The following CNGB1 variants were observed in gnomAD, a reference collection of about 807,000 sequenced individuals.
CNGB1 encodes cyclic nucleotide-gated channel beta-1.
CNGB1 carries 126 observed loss-of-function variants against 151.7 expected under a neutral mutation model. The ratio of observed to expected loss-of-function variants is 0.83; its 90% confidence interval spans 0.72 to 0.96. The LOEUF is 0.96. Among genes scored for constraint, CNGB1 ranks in the 40% least tolerant of loss-of-function variants. The pLI, the probability that CNGB1 is intolerant of heterozygous loss-of-function variation, is 0.00. For synonymous variants in CNGB1, 623 were observed against 635.1 expected (o/e 0.98, Z 0.29); for missense variants, 1,698 against 1,627.0 (o/e 1.04, Z -0.75).
At chr16:57,966,247 T>A (rs1037258236) in intron 2 of CNGB1, among the ~76,000 whole-genome samples, 3 of 152,182 alleles carry the variant, frequency 2.0e-5, no homozygotes, top group African/African-American at 7.2e-5. Context: ...CCACGTTCCC[T>A]CCTCTCCACC....
intron 16 of CNGB1, among the ~76,000 whole-genome samples, chr16:57,933,545 G>C (rs1961418658): frequency 6.6e-6 from 1 of 152,140 alleles, no homozygotes; most frequent in Non-Finnish European, 1.5e-5. Context: ...AGGATACTGA[G>C]AGGCTGGGAT....
At chr16:57,904,325 G>A (rs893747470) in intron 26 of CNGB1, among the ~76,000 whole-genome samples, 2 of 152,144 alleles carry the variant, frequency 1.3e-5, no homozygotes, top group East Asian at 3.9e-4. Flanking sequence ...CTCCATGCTG[G>A]AGGAAATAGG....
chr16:57,926,981 TCAAAACAAAA>T (rs1462568238), intron 17 of CNGB1, among the ~76,000 whole-genome samples: 8 of 152,100 alleles, frequency 5.3e-5, no homozygotes, highest in Middle Eastern at 3.4e-3. Context: ...CAACTCTATC[TCAAAACAAAA>T]CAAAACAAAA....
chr16:57,886,998 C>T lies in CNGB1; in HGVS notation c.3462+857G>A, dbSNP rs116872293. 6.1e-3 allele frequency among the ~76,000 whole-genome samples: 925 copies of T among 152,232 alleles called. 2 individuals are homozygous for T. The highest frequency in any genetic ancestry group is 9.3e-3 in the Non-Finnish European group (630 of 68,020). ...CAAGTGATGCTCCCAACTCAGCCTC[C>T]CAAGTAGCTAGGACCACAGGCATGT... On this transcript the variant is annotated intron_variant, in intron 32 of 32. Transcript: ENST00000251102.
intron 14 of CNGB1, among the ~76,000 whole-genome samples, chr16:57,947,015 A>C (rs774178689): frequency 6.6e-6 from 1 of 152,204 alleles, no homozygotes; most frequent in African/African-American, 2.4e-5. Flanking sequence ...ACATGTATGA[A>C]TATGTATGAA....
At chr16:57,963,193 T>C (rs1352516090) in intron 4 of CNGB1, 129 bp from the exon 5 acceptor site, 8 of 819,510 alleles carry the variant, frequency 9.8e-6, no homozygotes, top group East Asian at 2.4e-5. Context: ...GGTGTGGTTA[T>C]TGGAAAGTAC....
rs770961534 is a variant in CNGB1, at chr16:57,904,765, C to T, written c.2603G>A (p.Gly868Asp). ...IVFQLLNYFTGVFAFSVMIGQ... is the reference protein window; with the variant it reads ...IVFQLLNYFTDVFAFSVMIGQ... Reference sequence around the variant, plus strand: ...GATCATCACAGAGAAAGCAAAGACGCCCGTGAAATAATTCAGCAGCTGGAA... The same window carrying T: ...GATCATCACAGAGAAAGCAAAGACGTCCGTGAAATAATTCAGCAGCTGGAA... The change falls in exon 26 of 33, where the codon GGC (glycine) becomes GAC (aspartate). Residue 868 changes from glycine (G) to aspartate (D), a missense_variant. Transcript: ENST00000251102. 9.9e-6 allele frequency: 16 copies of T among 1,614,044 alleles called. No individual in the cohort carries two copies. Among genetic ancestry groups the T allele is most frequent in the Middle Eastern group, 1.6e-4 (1 of 6,082 alleles).
intron 32 of CNGB1, among the ~76,000 whole-genome samples, chr16:57,885,494 T>TTTCTTTCC (rs1427783338): frequency 1.3e-5 from 2 of 151,082 alleles, no homozygotes; most frequent in Admixed American, 1.3e-4. Context: ...GTCTTCTTTC[T>TTTCTTTCC]TTCTTTCCTT....
chr16:57,916,117 C>T lies in CNGB1; in HGVS notation c.2217+12G>A, dbSNP rs777814810. 9 of 1,613,764 alleles carry T rather than the reference C, an allele frequency of 5.6e-6. No individual in the cohort carries two copies. The East Asian group carries it at 1.3e-4, about 24-fold the overall frequency. On this transcript the variant is annotated intron_variant, in intron 22 of 32. Transcript: ENST00000251102. Reference sequence around the variant, plus strand: ...CCCCGCAGACGCTAAACCTTGCATGCCCGGCACACACCTTGAAGCGGCGAG... The same window carrying T: ...CCCCGCAGACGCTAAACCTTGCATGTCCGGCACACACCTTGAAGCGGCGAG...
chr16:57,897,598 T>C, intron 30 of CNGB1, 55 bp from the exon 31 acceptor site: 1 of 1,611,588 alleles, frequency 6.2e-7, no homozygotes, highest in Non-Finnish European at 8.5e-7. Flanking sequence ...TTCGGTCACA[T>C]TCAGATCTTC....
At chr16:57,964,102 C>T in intron 4 of CNGB1, 28 bp downstream of exon 4, 1 of 1,612,190 alleles carries the variant, frequency 6.2e-7, no homozygotes, top group Non-Finnish European at 8.5e-7. Flanking sequence ...CGGGCTGGCC[C>T]TGAAGAGAGG....
At chr16:57,915,224 G>C (rs368784633) in intron 23 of CNGB1, 25 bp downstream of exon 23, 1 of 1,592,296 alleles carries the variant, frequency 6.3e-7, no homozygotes, top group East Asian at 2.2e-5. Context: ...CTGAAGGCCT[G>C]GGGTGGTGGG....
intron 12 of CNGB1, among the ~76,000 whole-genome samples, chr16:57,953,922 T>C (rs1336952431): frequency 1.3e-5 from 2 of 151,962 alleles, no homozygotes; most frequent in African/African-American, 2.4e-5. Context: ...AATTCCCAGC[T>C]CCCGGTACTC....
intron 27 of CNGB1, among the ~76,000 whole-genome samples, chr16:57,902,230 G>A (rs562728): frequency 1.6e-4 from 25 of 151,722 alleles, no homozygotes; most frequent in African/African-American, 4.6e-4. Flanking sequence ...ACCACCACGC[G>A]GGCTAATTTT....
intron 16 of CNGB1, among the ~76,000 whole-genome samples, chr16:57,935,204 T>A (rs1961476494): frequency 6.6e-6 from 1 of 152,128 alleles, no homozygotes; most frequent in Admixed American, 6.6e-5. Flanking sequence ...GGCCCATCCG[T>A]CTCATTAGAA....
intron 16 of CNGB1, among the ~76,000 whole-genome samples, chr16:57,938,085 C>T (rs981032519): frequency 2.0e-5 from 3 of 152,302 alleles, no homozygotes; most frequent in Middle Eastern, 3.4e-3. Flanking sequence ...TCCTGGGTTA[C>T]GCCAAAGCTG....
chr16:57,952,341 C>T (rs544119056), intron 12 of CNGB1, among the ~76,000 whole-genome samples: 2 of 152,276 alleles, frequency 1.3e-5, no homozygotes, highest in African/African-American at 2.4e-5. Context: ...ATGTGCCCCA[C>T]GAGCGCCTCA....
At chr16:57,905,250 T>C (rs1290816561) in intron 25 of CNGB1, among the ~76,000 whole-genome samples, 2 of 152,228 alleles carry the variant, frequency 1.3e-5, no homozygotes, top group East Asian at 3.8e-4. Flanking sequence ...TCTTTTCATT[T>C]GCTATCTCCT....
intron 8 of CNGB1, 28 bp from the exon 9 acceptor site, chr16:57,960,558 T>A: frequency 1.9e-6 from 3 of 1,611,324 alleles, no homozygotes. Context: ...CGCAAGGTCA[T>A]GGGCCATAGC....
Sources: gnomAD v4.1 joint callset for allele counts (sites outside exome capture counted in the v4.1 genomes callset) on GRCh38, gnomAD v4.1.1 for gene constraint, MANE v1.5 for transcripts, NCBI Gene and HGNC (gene_info 2026-07-23, HGNC 2026-07-21) for gene names.